Variants in PDSS2 observed in about 807,000 individuals in gnomAD.
The protein encoded by PDSS2 is all trans-polyprenyl-diphosphate synthase PDSS2.
In PDSS2, 31 loss-of-function variants were observed where a neutral mutation model predicts 44.5. The ratio of observed to expected loss-of-function variants is 0.70; its 90% CI spans 0.52 to 0.94. The LOEUF (loss-of-function observed/expected upper bound fraction) is 0.94. Ranked by LOEUF, PDSS2 falls within the 40% of genes least tolerant of loss-of-function variation. The pLI is 0.00. For missense variants in PDSS2, 452 were observed against 482.2 expected (o/e 0.94, Z 0.59); for synonymous variants, 157 against 180.3 (o/e 0.87, Z 1.03).
chr6:107,191,041 G>A (rs968891320), intron 7 of PDSS2, among the ~76,000 whole-genome samples: 7 of 152,044 alleles, frequency 4.6e-5, no homozygotes, highest in African/African-American at 9.7e-5. Flanking sequence ...ACAGGCGCCC[G>A]CCACCATGCC....
At chr6:107,272,792 G>A (rs1348877445) in intron 3 of PDSS2, among the ~76,000 whole-genome samples, 2 of 152,020 alleles carry the variant, frequency 1.3e-5, no homozygotes, top group Admixed American at 1.3e-4. Flanking sequence ...AGACTAGCCT[G>A]GGCAACACAG....
chr6:107,309,197 A>C (rs1776955777), intron 2 of PDSS2, among the ~76,000 whole-genome samples: 1 of 152,228 alleles, frequency 6.6e-6, no homozygotes, highest in African/African-American at 2.4e-5. Flanking sequence ...GTTAATTATC[A>C]GAATGTCAAG....
chr6:107,208,996 G>T (rs1235581296), intron 6 of PDSS2, among the ~76,000 whole-genome samples: 1 of 151,240 alleles, frequency 6.6e-6, no homozygotes, highest in African/African-American at 2.4e-5. Flanking sequence ...CCATTCTTCT[G>T]ATTAAAAAAT....
At chr6:107,172,864 G>A (rs560393589) in intron 7 of PDSS2, among the ~76,000 whole-genome samples, 7 of 151,090 alleles carry the variant, frequency 4.6e-5, no homozygotes, top group Admixed American at 6.6e-5. Flanking sequence ...GGCAGCTCAC[G>A]CTTGAAATCC....
chr6:107,166,373 T>G (rs1343865498), intron 7 of PDSS2, among the ~76,000 whole-genome samples: 3 of 148,138 alleles, frequency 2.0e-5, no homozygotes, highest in African/African-American at 5.0e-5. Flanking sequence ...TTTTTTTTTT[T>G]TTTTTTTTTG....
intron 2 of PDSS2, among the ~76,000 whole-genome samples, chr6:107,322,930 G>T (rs747097431): frequency 4.6e-5 from 7 of 152,142 alleles, no homozygotes; most frequent in African/African-American, 7.2e-5. Flanking sequence ...AGGATGCCAG[G>T]ATTAGAGATA....
chr6:107,405,337 A>C lies in PDSS2; in HGVS notation c.296+53653T>G, dbSNP rs1019915203. Among the ~76,000 whole-genome samples, 4 of 152,176 alleles carry C rather than the reference A, an allele frequency of 2.6e-5. No individual in the cohort carries two copies. The East Asian group carries it at 7.7e-4, about 29-fold the overall frequency. ...TACTTGCCATCATAAAAACACGTGTAAGTATAGAACTCAGAGGTCTTATAA... is the reference window on the plus strand; with the variant it reads ...TACTTGCCATCATAAAAACACGTGTCAGTATAGAACTCAGAGGTCTTATAA... On this transcript the variant is annotated intron_variant, in intron 1 of 7. Coordinates refer to ENST00000369037, the MANE Select transcript of PDSS2 (RefSeq NM_020381.4).
intron 1 of PDSS2, among the ~76,000 whole-genome samples, chr6:107,439,135 T>G (rs2114795335): frequency 6.6e-6 from 1 of 152,372 alleles, no homozygotes; most frequent in East Asian, 1.9e-4. Context: ...CTCCACTTTC[T>G]TCCTGTACAG....
At chr6:107,306,986 T>C (rs1029209911) in intron 2 of PDSS2, among the ~76,000 whole-genome samples, 2 of 152,248 alleles carry the variant, frequency 1.3e-5, no homozygotes, top group Non-Finnish European at 2.9e-5. Flanking sequence ...CTTTTGGTTG[T>C]ACCTTCTTCT....
chr6:107,163,165 T>C (rs1771210098), intron 7 of PDSS2, among the ~76,000 whole-genome samples: 1 of 152,226 alleles, frequency 6.6e-6, no homozygotes. Context: ...CTATGAGCTT[T>C]ATTCAGCCAG....
In PDSS2 at chr6:107,459,341, C is replaced by G; in HGVS notation, c.-56G>C. 1 of 1,457,394 alleles carries G rather than the reference C, an allele frequency of 6.9e-7. No homozygotes were observed. The highest frequency in any genetic ancestry group is 9.6e-7 in the Non-Finnish European group (1 of 1,041,922). 90.3% of individuals were successfully genotyped at this position (1,457,394 alleles called of 1,614,324 possible). A position where few individuals can be genotyped will look rare whatever the true frequency, so the allele number is the denominator to read the frequency against. ...GGGTATCCAGAAGTGCCGCGGGAAA[C>G]AAACCAGGGGCAGAGGAGGAACTTA... is the stretch of plus-strand genomic sequence containing the variant. On this transcript the variant is annotated 5_prime_UTR_variant, in exon 1 of 8. Transcript: ENST00000369037. The surrounding 1 kb of genome is among the most constrained non-coding windows in gnomAD (Gnocchi z 4.3).
intron 6 of PDSS2, among the ~76,000 whole-genome samples, chr6:107,196,352 G>A (rs9486559): frequency 2.6e-5 from 4 of 152,114 alleles, no homozygotes; most frequent in African/African-American, 7.2e-5. Context: ...TTGATCTTAC[G>A]AATAATCCAC....
At chr6:107,225,161 A>ATATTTT (rs1562389443) in intron 4 of PDSS2, among the ~76,000 whole-genome samples, 1 of 50,400 alleles carries the variant, frequency 2.0e-5, no homozygotes, top group African/African-American at 1.1e-4. Flanking sequence ...ATATATATAT[A>ATATTTT]TTTTTTTTTT....
intron 1 of PDSS2, among the ~76,000 whole-genome samples, chr6:107,438,461 C>T (rs319074): frequency 0.6 from 90,465 of 151,980 alleles, 27,952 homozygotes; most frequent in Non-Finnish European, 0.7. Context: ...GCAATCTACG[C>T]GCCTCGGCCT....
At chr6:107,380,256 G>C (rs142876290) in intron 1 of PDSS2, among the ~76,000 whole-genome samples, 190 of 152,252 alleles carry the variant, frequency 1.2e-3, no homozygotes, top group African/African-American at 3.9e-3. Context: ...CTGGAGCTCT[G>C]TTGACGTGGT....
intron 1 of PDSS2, among the ~76,000 whole-genome samples, chr6:107,442,588 T>G (rs1005881677): frequency 3.9e-5 from 6 of 152,198 alleles, no homozygotes; most frequent in Non-Finnish European, 7.4e-5. Flanking sequence ...TTACCTCCTG[T>G]AGGAGGACCT....
At chr6:107,388,554 T>C (rs1414748136) in intron 1 of PDSS2, among the ~76,000 whole-genome samples, 4 of 151,524 alleles carry the variant, frequency 2.6e-5, no homozygotes. Flanking sequence ...GTTCACGCCA[T>C]TCTCCTGCCT....
At chr6:107,281,175 A>G (rs1775949249) in intron 2 of PDSS2, among the ~76,000 whole-genome samples, 1 of 152,110 alleles carries the variant, frequency 6.6e-6, no homozygotes, top group Admixed American at 6.5e-5. Flanking sequence ...AGGATCCTAA[A>G]GAGGGCTCCC....
At chr6:107,237,897 G>GA (rs71551306) in intron 4 of PDSS2, among the ~76,000 whole-genome samples, 2,332 of 80,356 alleles carry the variant, frequency 0.029, 34 homozygotes, top group South Asian at 0.044. Flanking sequence ...CTCCGTCTCT[G>GA]AAAAAAAAAA....
Sources: allele counts gnomAD v4.1 joint callset (sites outside exome capture counted in the v4.1 genomes callset), GRCh38; gene constraint gnomAD v4.1.1; non-coding constraint Gnocchi (gnomAD v3.1); transcripts MANE v1.5; gene names NCBI Gene and HGNC (gene_info 2026-07-23, HGNC 2026-07-21).